Variants in UBE2E1 observed in about 807,000 individuals in gnomAD.
The protein encoded by UBE2E1 is ubiquitin conjugating enzyme E2 E1, also known as ubiquitin-conjugating enzyme E2 E1.
A neutral mutation model predicts 21.4 loss-of-function variants in UBE2E1; 6 were observed. The ratio of observed to expected loss-of-function variants is 0.28; its 90% CI spans 0.15 to 0.55. The LOEUF is 0.55. Ranked by LOEUF, UBE2E1 falls within the 20% of genes least tolerant of loss-of-function variation. The pLI, the probability that UBE2E1 is intolerant of heterozygous loss-of-function variation, is 0.93. For synonymous variants in UBE2E1, 87 were observed against 82.7 expected (o/e 1.05, Z -0.28); for missense variants, 142 against 236.5 (o/e 0.60, Z 2.62).
Position 23,837,904 on chromosome 3 carries a change from CT to C in UBE2E1, c.203+26398del, listed in dbSNP as rs77091350. On this transcript the variant is annotated intron_variant, in intron 3 of 5. Coordinates refer to ENST00000306627, the MANE Select transcript of UBE2E1 (RefSeq NM_003341.5). Reference sequence around the variant, plus strand: ...CTTGACCATGCTGTTGGGAATTTCCCTTTTCTTTCTGCTTGTCCACTAATCT... The same window carrying C: ...CTTGACCATGCTGTTGGGAATTTCCCTTTCTTTCTGCTTGTCCACTAATCT... Among the ~76,000 whole-genome samples, 539 of 152,216 alleles carry C rather than the reference CT, an allele frequency of 3.5e-3. 10 individuals carry two copies. The East Asian group carries it at 0.044, about 12-fold the overall frequency.
intron 3 of UBE2E1, among the ~76,000 whole-genome samples, chr3:23,848,507 G>T (rs1308416816): frequency 6.6e-6 from 1 of 151,392 alleles, no homozygotes; most frequent in Non-Finnish European, 1.5e-5. Context: ...CTTTAGCTAA[G>T]CAGGTACTTA....
At chr3:23,812,083 T>C (rs926890259) in intron 3 of UBE2E1, among the ~76,000 whole-genome samples, 2 of 152,194 alleles carry the variant, frequency 1.3e-5, no homozygotes, top group African/African-American at 4.8e-5. Context: ...TCAGACTGTA[T>C]ACATATGTGT....
chr3:23,868,806 G>A (rs562030377), intron 3 of UBE2E1, among the ~76,000 whole-genome samples: 1 of 151,702 alleles, frequency 6.6e-6, no homozygotes, highest in East Asian at 1.9e-4. Flanking sequence ...CCACTATTAA[G>A]TTCGGGTATA....
chr3:23,863,704 A>C lies in UBE2E1; in HGVS notation c.204-23863A>C, dbSNP rs574206066. Among the ~76,000 whole-genome samples the C allele has an allele frequency of 9.9e-5, 15 of 151,772 alleles. No homozygotes were observed. The highest frequency in any genetic ancestry group is 1.0e-4 in the Non-Finnish European group (7 of 67,966). On this transcript the variant is annotated intron_variant, in intron 3 of 5. Transcript: ENST00000306627. This position sits in a 1 kb window ranked among gnomAD's most constrained non-coding sequence, Gnocchi z 4.3. The stretch of plus-strand genomic sequence containing the variant: ...CGCCACCACGCCTGGCTAATTTTCT[A>C]TTTTTAGTAGAGATGGGGTTTCTCC...
intron 3 of UBE2E1, among the ~76,000 whole-genome samples, chr3:23,817,967 G>C (rs146358251): frequency 7.7e-4 from 118 of 152,304 alleles, no homozygotes; most frequent in Middle Eastern, 3.4e-3. Flanking sequence ...AGGATTGAGT[G>C]GAGCTTGGTA....
chr3:23,834,663 AGGCTGCAGT>A (rs1426052665), intron 3 of UBE2E1, among the ~76,000 whole-genome samples: 1 of 152,222 alleles, frequency 6.6e-6, no homozygotes, highest in African/African-American at 2.4e-5. Flanking sequence ...CAGGAGTTTG[AGGCTGCAGT>A]GGGCTGTGAT....
At position 23,873,473 on chromosome 3, in the gene UBE2E1, G is replaced by A. The variant is rs967612364; in HGVS notation, c.204-14094G>A. Among the ~76,000 whole-genome samples the A allele has an allele frequency of 1.1e-4, 17 of 152,172 alleles. No individual in the cohort carries two copies. The South Asian group carries it at 2.1e-3, about 19-fold the overall frequency. Reference sequence around the variant, plus strand: ...AAATGTCAGAATTAGGCAGTCGGGCGCGGTGGCTCACGCCTGTAATCCCAG... The same window carrying A: ...AAATGTCAGAATTAGGCAGTCGGGCACGGTGGCTCACGCCTGTAATCCCAG... On this transcript the variant is annotated intron_variant, in intron 3 of 5. Transcript: ENST00000306627.
At chr3:23,846,349 A>C (rs1231244692) in intron 3 of UBE2E1, among the ~76,000 whole-genome samples, 1 of 152,020 alleles carries the variant, frequency 6.6e-6, no homozygotes, top group Non-Finnish European at 1.5e-5. Context: ...GGATTGCTTG[A>C]GGCTAGGAGT....
At chr3:23,813,006 A>G (rs888251557) in intron 3 of UBE2E1, among the ~76,000 whole-genome samples, 1 of 151,472 alleles carries the variant, frequency 6.6e-6, no homozygotes, top group Non-Finnish European at 1.5e-5. Flanking sequence ...AAAAAAAAAA[A>G]CAGTGTAAGT....
At position 23,879,572 on chromosome 3, in the gene UBE2E1, C is replaced by A. The variant is rs558565095; in HGVS notation, c.204-7995C>A. The A allele has an allele frequency of 2.5e-5, 7 of 281,006 alleles. No homozygotes were observed. The South Asian group carries it at 2.8e-4, about 11-fold the overall frequency. The allele number at this position is 281,006 out of a possible 1,614,324, so 17.4% of individuals were successfully genotyped here. A position where few individuals can be genotyped will look rare whatever the true frequency, so the allele number is the denominator to read the frequency against. ...TTAGAACTTCTCTTCGTAGGTGATC[C>A]AGCTATAAGACTAACCATCCTTCCC... On this transcript the variant is annotated intron_variant, in intron 3 of 5. Transcript: ENST00000306627.
At chr3:23,865,934 A>G (rs1700646633) in intron 3 of UBE2E1, among the ~76,000 whole-genome samples, 1 of 152,170 alleles carries the variant, frequency 6.6e-6, no homozygotes, top group Admixed American at 6.5e-5. Context: ...CTGCTGCAGC[A>G]TCTAGCCTTT....
intron 3 of UBE2E1, among the ~76,000 whole-genome samples, chr3:23,832,999 A>T (rs1699901446): frequency 1.3e-5 from 2 of 152,104 alleles, no homozygotes; most frequent in Admixed American, 1.3e-4. Flanking sequence ...GTGCCATTGT[A>T]CTCCAGCCTG....
In UBE2E1 at chr3:23,806,214, G is replaced by T. The variant is rs937994310; in HGVS notation, c.-34+126G>T. 1.2e-4 allele frequency: 18 copies of T among 147,446 alleles called. No homozygotes were observed. The highest frequency in any genetic ancestry group is 3.4e-4 in the Admixed American group (5 of 14,916). 9.1% of individuals were successfully genotyped at this position (147,446 alleles called of 1,614,324 possible). ...GGGCCGCAGGGCACGGGGCCGGCGC[G>T]GGGGGGGAGCGGAGAGGGGCTGGGG... On this transcript the variant is annotated intron_variant, in intron 1 of 5. Transcript: ENST00000306627. The surrounding 1 kb of genome is among the most constrained non-coding windows in gnomAD (Gnocchi z 6.5).
At position 23,810,139 on chromosome 3, in the gene UBE2E1, G is replaced by A. The variant is rs1699353832; in HGVS notation, c.153-1321G>A. ...TCCTTTGTGAATTAGATTGCTCTGTGTGTGTGTTTAAAATTTTTTTAACTA... is the reference window on the plus strand; with the variant it reads ...TCCTTTGTGAATTAGATTGCTCTGTATGTGTGTTTAAAATTTTTTTAACTA... On this transcript the variant is annotated intron_variant, in intron 2 of 5. Coordinates refer to ENST00000306627, the MANE Select transcript of UBE2E1 (RefSeq NM_003341.5). The surrounding 1 kb of genome is among the most constrained non-coding windows in gnomAD (Gnocchi z 5.8). Among the ~76,000 whole-genome samples the A allele has an allele frequency of 6.6e-6, 1 of 152,190 alleles. No individual in the cohort carries two copies. Among genetic ancestry groups the A allele is most frequent in the African/African-American group, 2.4e-5 (1 of 41,430 alleles).
intron 3 of UBE2E1, among the ~76,000 whole-genome samples, chr3:23,846,698 C>CAAAAAAAAA (rs10662469): frequency 2.2e-5 from 2 of 89,844 alleles, no homozygotes; most frequent in Non-Finnish European, 4.1e-5. Context: ...TCCATCTCAT[C>CAAAAAAAAA]AAAAAAAAAA....
intron 3 of UBE2E1, among the ~76,000 whole-genome samples, chr3:23,857,244 G>C (rs1417562913): frequency 6.6e-6 from 1 of 151,906 alleles, no homozygotes; most frequent in Non-Finnish European, 1.5e-5. Context: ...TTAGAGTCTG[G>C]TGGTTTTTTT....
intron 3 of UBE2E1, among the ~76,000 whole-genome samples, chr3:23,871,616 C>T (rs1387356282): frequency 3.3e-5 from 5 of 149,792 alleles, no homozygotes; most frequent in African/African-American, 7.4e-5. Flanking sequence ...ACTTCTCAGA[C>T]GGGGCGGTTG....
At chr3:23,866,156 C>T (rs752245181) in intron 3 of UBE2E1, 3 of 152,620 alleles carry the variant, frequency 2.0e-5, no homozygotes, top group Non-Finnish European at 2.9e-5. Flanking sequence ...TCCAGGCCAG[C>T]CGGGGCCAAG....
At position 23,843,294 on chromosome 3, in the gene UBE2E1, T is replaced by G. The variant is rs116293724; in HGVS notation, c.203+31784T>G. 3.3e-3 allele frequency among the ~76,000 whole-genome samples: 504 copies of G among 152,296 alleles called. 3 individuals carry two copies. The highest frequency in any genetic ancestry group is 0.012 in the African/African-American group (489 of 41,558). ...ACTGCAGGACATACAGTTCCTAACA[T>G]ATTGCTTAGCATATAATATGTGTTA... On this transcript the variant is annotated intron_variant, in intron 3 of 5. Transcript: ENST00000306627.
Sources: allele counts gnomAD v4.1 joint callset (sites outside exome capture counted in the v4.1 genomes callset), GRCh38; gene constraint gnomAD v4.1.1; non-coding constraint Gnocchi (gnomAD v3.1); transcripts MANE v1.5; gene names NCBI Gene and HGNC (gene_info 2026-07-23, HGNC 2026-07-21).